PSD2: variants seen among roughly 807,000 people sequenced by gnomAD.
PSD2 encodes the protein pleckstrin and Sec7 domain containing 2.
A neutral mutation model predicts 69.8 loss-of-function variants in PSD2; 38 were observed. The observed-to-expected ratio is 0.54, with a 90% CI of 0.42 to 0.71. The LOEUF (loss-of-function observed/expected upper bound fraction) is 0.71, where lower values mean the gene tolerates loss of function less well. Among genes scored for constraint, PSD2 ranks in the 30% least tolerant of loss-of-function variants. PSD2 has a pLI of 0.00. For synonymous variants in PSD2, 412 were observed against 423.0 expected (o/e 0.97, Z 0.32); for missense variants, 943 against 1,014.5 (o/e 0.93, Z 0.96).
the PSD2 span, among the ~76,000 whole-genome samples, chr5:139,790,156 C>T: frequency 2.6e-5 from 4 of 152,094 alleles, no homozygotes; most frequent in Non-Finnish European, 4.4e-5. Flanking sequence ...CGGGAGCTCG[C>T]GCCTGTAATC....
chr5:139,771,485 TCTC>T, the PSD2 span, among the ~76,000 whole-genome samples: 1 of 152,112 alleles, frequency 6.6e-6, no homozygotes, highest in African/African-American at 2.4e-5. Context: ...TTCACGCCAT[TCTC>T]CTGCCTCAGC....
At chr5:139,781,070 C>T in the PSD2 span, among the ~76,000 whole-genome samples, 2 of 152,192 alleles carry the variant, frequency 1.3e-5, no homozygotes, top group Non-Finnish European at 2.9e-5. Flanking sequence ...CCCCTTTCAT[C>T]TTCCAGTCTC....
intron 1 of PSD2, among the ~76,000 whole-genome samples, chr5:139,802,368 G>A (rs1759695587): frequency 6.6e-6 from 1 of 152,048 alleles, no homozygotes; most frequent in African/African-American, 2.4e-5. Context: ...GCTACTCAGA[G>A]GTGGAGCTCT....
intron 8 of PSD2, 109 bp downstream of exon 8, chr5:139,833,900 T>A: frequency 1.2e-6 from 1 of 815,428 alleles, no homozygotes. Context: ...TAACACAGGG[T>A]GCAGGGCCAT....
the PSD2 span, among the ~76,000 whole-genome samples, chr5:139,771,115 T>C: frequency 6.6e-6 from 1 of 152,228 alleles, no homozygotes; most frequent in African/African-American, 2.4e-5. Context: ...ATAGATACTT[T>C]TATATTTTAG....
At chr5:139,776,407 A>C in the PSD2 span, among the ~76,000 whole-genome samples, 1 of 152,240 alleles carries the variant, frequency 6.6e-6, no homozygotes, top group Non-Finnish European at 1.5e-5. Context: ...GGGCATCCTG[A>C]GGCCCAGAGA....
the PSD2 span, among the ~76,000 whole-genome samples, chr5:139,783,269 C>T: frequency 6.6e-6 from 1 of 152,028 alleles, no homozygotes; most frequent in Middle Eastern, 3.2e-3. Context: ...ACCCTCGTCT[C>T]TACAAAAATA....
At chr5:139,815,519 C>T (rs1760098789) in intron 4 of PSD2, among the ~76,000 whole-genome samples, 1 of 152,184 alleles carries the variant, frequency 6.6e-6, no homozygotes, top group South Asian at 2.1e-4. Context: ...TTTCTCCACA[C>T]TCAGCCCCTC....
the PSD2 span, among the ~76,000 whole-genome samples, chr5:139,756,344 C>G: frequency 2.2e-3 from 328 of 152,346 alleles, 1 homozygote; most frequent in Non-Finnish European, 3.1e-3. Context: ...GGGGCCGCGG[C>G]GCTGGAGGGA....
the PSD2 span, among the ~76,000 whole-genome samples, chr5:139,751,086 G>C: frequency 6.6e-6 from 1 of 152,120 alleles, no homozygotes; most frequent in Non-Finnish European, 1.5e-5. Flanking sequence ...ACTGTGGCTT[G>C]GGTAGAGGAG....
At chr5:139,831,016 A>G (rs941845901) in intron 7 of PSD2, among the ~76,000 whole-genome samples, 1 of 151,884 alleles carries the variant, frequency 6.6e-6, no homozygotes, top group African/African-American at 2.4e-5. Context: ...TCCTGTTACT[A>G]AGAGAGCAGT....
At chr5:139,800,575 C>T (rs1050302109) in intron 1 of PSD2, among the ~76,000 whole-genome samples, 1 of 152,222 alleles carries the variant, frequency 6.6e-6, no homozygotes, top group Non-Finnish European at 1.5e-5. Flanking sequence ...GTGCCCGGCC[C>T]TCACTTGCTC....
chr5:139,803,122 G>C (rs1301257335), intron 1 of PSD2, among the ~76,000 whole-genome samples: 1 of 152,270 alleles, frequency 6.6e-6, no homozygotes, highest in African/African-American at 2.4e-5. Context: ...GAGATGGAAA[G>C]ATAGGAGTGA....
chr5:139,835,791 T>C, intron 9 of PSD2, 25 bp downstream of exon 9: 1 of 1,611,618 alleles, frequency 6.2e-7, no homozygotes, highest in African/African-American at 1.3e-5. Context: ...TGGGCACAGG[T>C]ATGGGGAGCA....
At chr5:139,778,071 C>A in the PSD2 span, among the ~76,000 whole-genome samples, 4 of 152,156 alleles carry the variant, frequency 2.6e-5, no homozygotes, top group African/African-American at 9.7e-5. Flanking sequence ...CAGTGCTGGC[C>A]CCCTAGGAAA....
At chr5:139,782,912 A>G in the PSD2 span, among the ~76,000 whole-genome samples, 1 of 152,184 alleles carries the variant, frequency 6.6e-6, no homozygotes, top group East Asian at 1.9e-4. Flanking sequence ...GTACCCTCAA[A>G]ATGTCATATA....
chr5:139,773,248 TCTTCCTACCTTCCTTC>T, the PSD2 span, among the ~76,000 whole-genome samples: 2 of 151,982 alleles, frequency 1.3e-5, no homozygotes, highest in South Asian at 4.2e-4. Flanking sequence ...TACCTTCCTT[TCTTCCTACCTTCCTTC>T]CTTTCTTCCT....
Position 139,844,227 on chromosome 5 carries a change from G to A in PSD2, c.*1753G>A, listed in dbSNP as rs1024684736. ...GTCCCACCCTTCACTTCCCGAGGGCGGGTGAGTGGAGAGCAGAGCCAGGAG... is the reference window on the plus strand; with the variant it reads ...GTCCCACCCTTCACTTCCCGAGGGCAGGTGAGTGGAGAGCAGAGCCAGGAG... On this transcript the variant is annotated 3_prime_UTR_variant, in exon 15 of 15. Transcript: ENST00000274710. The A allele has an allele frequency of 6.6e-6, 1 of 152,218 alleles. No individual in the cohort carries two copies. Among genetic ancestry groups the A allele is most frequent in the South Asian group, 2.1e-4 (1 of 4,830 alleles). The allele number at this position is 152,218 out of a possible 1,614,324, so 9.4% of individuals were successfully genotyped here. A position where few individuals can be genotyped will look rare whatever the true frequency, so the allele number is the denominator to read the frequency against.
chr5:139,776,206 C>T, the PSD2 span, among the ~76,000 whole-genome samples: 1 of 152,266 alleles, frequency 6.6e-6, no homozygotes, highest in Admixed American at 6.5e-5. Flanking sequence ...TGGCCTGCTT[C>T]TGGGACCCCT....
Sources: allele counts gnomAD v4.1 joint callset (sites outside exome capture counted in the v4.1 genomes callset), GRCh38; gene constraint gnomAD v4.1.1; transcripts MANE v1.5; gene names NCBI Gene and HGNC (gene_info 2026-07-23, HGNC 2026-07-21).